The following AGBL1 variants were observed in gnomAD, a reference collection of about 807,000 sequenced individuals.
AGBL1 encodes the protein cytosolic carboxypeptidase 4.
In AGBL1, 130 loss-of-function variants were observed where a neutral mutation model predicts 118.9. The ratio of observed to expected loss-of-function variants is 1.09; its 90% CI spans 0.95 to 1.26. The LOEUF (loss-of-function observed/expected upper bound fraction) is 1.26, where lower values mean the gene tolerates loss of function less well. Among genes scored for constraint, AGBL1 ranks in the 50% most tolerant of loss-of-function variants. The probability of loss-of-function intolerance (pLI) is 0.00; values close to 1 mark genes in which losing one functional copy is unlikely to be tolerated. For missense variants in AGBL1, 1,584 were observed against 1,298.1 expected (o/e 1.22, Z -3.38); for synonymous variants, 555 against 478.9 (o/e 1.16, Z -2.08).
intron 22 of AGBL1, among the ~76,000 whole-genome samples, chr15:86,772,697 G>A (rs2078198585): frequency 6.6e-6 from 1 of 152,026 alleles, no homozygotes; most frequent in African/African-American, 2.4e-5. Flanking sequence ...CATAAAGGTA[G>A]GAGGAAATCA....
rs966591794 is a variant in AGBL1 at position 86,928,180 on chromosome 15, T to A, written c.3222-59807T>A. ...TTTTGAAAAGTCATAAGGCAATTGA[T>A]GGCATGAAGAACAATATGCAAACTC... On this transcript the variant is annotated intron_variant, in intron 23 of 24. Coordinates refer to the AGBL1 transcript ENST00000441037. 1.3e-5 allele frequency among the ~76,000 whole-genome samples: 2 copies of A among 152,188 alleles called. 1 individual carries two copies. Among genetic ancestry groups the A allele is most frequent in the South Asian group, 4.1e-4 (2 of 4,826 alleles).
intron 21 of AGBL1, among the ~76,000 whole-genome samples, chr15:86,578,157 G>A (rs571441114): frequency 3.2e-4 from 49 of 152,286 alleles, no homozygotes; most frequent in East Asian, 9.7e-4. Context: ...CTGCAGAGCC[G>A]TAAGTGCAGA....
In AGBL1 at chr15:86,880,810, G is replaced by A. The variant is rs1337428658; in HGVS notation, c.3159-26277G>A. On this transcript the variant is annotated intron_variant, in intron 22 of 22. Coordinates refer to ENST00000614907, the MANE Select transcript of AGBL1 (RefSeq NM_001386094.1). Reference sequence around the variant, plus strand: ...GTGTGCACGTGTGTGTGTGTATAGGGACATCAAAACACACAAGATAAGAAC... The same window carrying A: ...GTGTGCACGTGTGTGTGTGTATAGGAACATCAAAACACACAAGATAAGAAC... 5.3e-5 allele frequency among the ~76,000 whole-genome samples: 8 copies of A among 151,988 alleles called. No individual in the cohort carries two copies. The East Asian group carries it at 1.5e-3, about 29-fold the overall frequency.
chr15:86,632,844 T>A (rs571887316), intron 21 of AGBL1, among the ~76,000 whole-genome samples: 19 of 152,314 alleles, frequency 1.2e-4, no homozygotes, highest in South Asian at 4.1e-4. Flanking sequence ...TTGCTAATAC[T>A]ACTGCCTTTT....
intron 5 of AGBL1, among the ~76,000 whole-genome samples, chr15:86,162,664 T>C (rs2077283673): frequency 6.6e-6 from 1 of 152,236 alleles, no homozygotes; most frequent in South Asian, 2.1e-4. Context: ...TGGGAACAGT[T>C]ATGGTCAGAC....
intron 1 of AGBL1, among the ~76,000 whole-genome samples, chr15:86,090,672 T>A (rs922487629): frequency 1.3e-5 from 2 of 152,224 alleles, no homozygotes; most frequent in African/African-American, 2.4e-5. Flanking sequence ...ACTTTGTTTA[T>A]GCTCTTTATT....
chr15:86,271,635 A>C lies in AGBL1; in HGVS notation c.2004A>C (p.Leu668=), dbSNP rs11858435. Residue 668 remains leucine, a synonymous_variant, in exon 15 of 23, where the codon CTA becomes CTC. Transcript: ENST00000614907. The part of the protein sequence containing the change: ...SQFNYGMQPT[L]YSVKEALLGK... ...TTTGTGTAGGGATGCAGCCCACCCT[A>C]TATTCTGTGAAGGAGGCTCTTCTTG... 1.2e-6 allele frequency: 2 copies of C among 1,611,338 alleles called. No individual in the cohort carries two copies. The highest frequency in any genetic ancestry group is 1.7e-6 in the Non-Finnish European group (2 of 1,177,636).
At chr15:86,696,853 A>G (rs1303059991) in intron 22 of AGBL1, among the ~76,000 whole-genome samples, 3 of 152,100 alleles carry the variant, frequency 2.0e-5, no homozygotes, top group African/African-American at 2.4e-5. Flanking sequence ...TCCTTCATTT[A>G]TGAAGCTAAG....
At chr15:86,203,392 TTATAAGGCTA>T (rs1264420082) in intron 5 of AGBL1, among the ~76,000 whole-genome samples, 1 of 152,236 alleles carries the variant, frequency 6.6e-6, no homozygotes, top group African/African-American at 2.4e-5. Flanking sequence ...GAAAATATTT[TTATAAGGCTA>T]GTTTCTAAGG....
intron 8 of AGBL1, among the ~76,000 whole-genome samples, chr15:86,257,404 A>G (rs1033448508): frequency 5.9e-5 from 9 of 152,210 alleles, no homozygotes; most frequent in African/African-American, 2.2e-4. Flanking sequence ...GTTATTTACA[A>G]CTGCAGGCTA....
At chr15:86,681,890 A>G (rs944085622) in intron 22 of AGBL1, among the ~76,000 whole-genome samples, 4 of 152,138 alleles carry the variant, frequency 2.6e-5, no homozygotes, top group South Asian at 2.1e-4. Flanking sequence ...ACTAATGTCT[A>G]TGGGCCAAAA....
chr15:86,287,713 G>T (rs897501566), intron 16 of AGBL1, among the ~76,000 whole-genome samples: 4 of 152,162 alleles, frequency 2.6e-5, no homozygotes, highest in Non-Finnish European at 5.9e-5. Context: ...AAGGACCCAT[G>T]TGGTCATAAT....
intron 17 of AGBL1, among the ~76,000 whole-genome samples, chr15:86,350,271 C>T (rs2080604700): frequency 6.6e-6 from 1 of 152,144 alleles, no homozygotes; most frequent in Admixed American, 6.5e-5. Context: ...GTGAAACTCA[C>T]AAAAAGAATC....
At chr15:86,539,016 C>A (rs887085957) in intron 19 of AGBL1, among the ~76,000 whole-genome samples, 9 of 152,342 alleles carry the variant, frequency 5.9e-5, no homozygotes, top group Non-Finnish European at 1.2e-4. Context: ...TTTGCATGAA[C>A]TAAATTAACC....
intron 24 of AGBL1, among the ~76,000 whole-genome samples, chr15:87,016,176 G>C (rs183161415): frequency 6.6e-6 from 1 of 152,086 alleles, no homozygotes; most frequent in Non-Finnish European, 1.5e-5. Context: ...AAACTCTCAA[G>C]TAACCCTTAA....
chr15:86,321,654 G>T (rs796577846), intron 17 of AGBL1, among the ~76,000 whole-genome samples: 4 of 152,008 alleles, frequency 2.6e-5, no homozygotes, highest in African/African-American at 9.6e-5. Flanking sequence ...GCGGATGCCT[G>T]TAATCCCAGA....
At chr15:86,261,707 T>C (rs2078988215) in intron 9 of AGBL1, among the ~76,000 whole-genome samples, 1 of 152,106 alleles carries the variant, frequency 6.6e-6, no homozygotes, top group African/African-American at 2.4e-5. Flanking sequence ...CTTTTCTCTG[T>C]AAGACCCTAC....
intron 23 of AGBL1, among the ~76,000 whole-genome samples, chr15:86,972,460 A>G (rs923224686): frequency 6.6e-6 from 1 of 152,080 alleles, no homozygotes; most frequent in Non-Finnish European, 1.5e-5. Flanking sequence ...AAAGATATGT[A>G]TTTCAAACAA....
chr15:86,667,230 G>A (rs998256536), intron 21 of AGBL1, among the ~76,000 whole-genome samples: 1 of 145,088 alleles, frequency 6.9e-6, no homozygotes, highest in African/African-American at 2.6e-5. Flanking sequence ...ATGTATGTAT[G>A]TATGTATGTA....
Sources: gnomAD v4.1 joint callset for allele counts (sites outside exome capture counted in the v4.1 genomes callset) on GRCh38, gnomAD v4.1.1 for gene constraint, MANE v1.5 for transcripts, NCBI Gene and HGNC (gene_info 2026-07-23, HGNC 2026-07-21) for gene names.